Variants in ZBTB40 observed in about 807,000 individuals in gnomAD.
The protein encoded by ZBTB40 is zinc finger and BTB domain containing 40.
In ZBTB40, 60 loss-of-function variants were observed where a neutral mutation model predicts 117.5. That is an observed-to-expected ratio of 0.51 (90% confidence interval 0.41 to 0.63). ZBTB40 has a LOEUF of 0.63. Ranked by LOEUF, ZBTB40 falls within the 30% of genes least tolerant of loss-of-function variation. The pLI, the probability that ZBTB40 is intolerant of heterozygous loss-of-function variation, is 0.00. For missense variants in ZBTB40, 1,287 were observed against 1,498.5 expected (o/e 0.86, Z 2.33); for synonymous variants, 525 against 577.1 (o/e 0.91, Z 1.29).
chr1:22,520,438 T>G (rs1164799280), intron 14 of ZBTB40, among the ~76,000 whole-genome samples, 163 bp downstream of exon 14: 2 of 152,218 alleles, frequency 1.3e-5, no homozygotes, highest in East Asian at 1.9e-4. Context: ...CCAGATTCTC[T>G]AAGGAGATCT....
At chr1:22,503,976 A>G (rs886780983) in intron 5 of ZBTB40, among the ~76,000 whole-genome samples, 3 of 152,222 alleles carry the variant, frequency 2.0e-5, no homozygotes, top group Non-Finnish European at 4.4e-5. Flanking sequence ...AGCAAGATAG[A>G]CCACACTGTC....
chr1:22,504,120 A>G (rs1300412515), intron 5 of ZBTB40, among the ~76,000 whole-genome samples: 1 of 152,258 alleles, frequency 6.6e-6, no homozygotes, highest in African/African-American at 2.4e-5. Context: ...CCTTCTCATG[A>G]AAGTTGAAGC....
intron 1 of ZBTB40, among the ~76,000 whole-genome samples, chr1:22,478,334 G>C (rs982181606): frequency 6.6e-6 from 1 of 151,922 alleles, no homozygotes; most frequent in South Asian, 2.1e-4. Context: ...TGCAAGCTCC[G>C]CCTCCTGGGT....
At chr1:22,465,740 G>A (rs1440860224) in intron 1 of ZBTB40, among the ~76,000 whole-genome samples, 2 of 136,746 alleles carry the variant, frequency 1.5e-5, no homozygotes, top group East Asian at 9.7e-4. Context: ...AGGGATGCCT[G>A]AGTTGCAGCC....
Position 22,524,304 on chromosome 1 carries a change from A to G in ZBTB40, c.3385A>G (p.Lys1129Glu). 6.2e-7 allele frequency: 1 copy of G among 1,614,076 alleles called. No individual in the cohort carries two copies. Among genetic ancestry groups the G allele is most frequent in the Non-Finnish European group, 8.5e-7 (1 of 1,180,018 alleles). Residue 1129 changes from lysine (K) to glutamate (E), a missense_variant, in exon 17 of 18, where the codon AAG becomes GAG. Coordinates refer to ENST00000375647, the MANE Select transcript of ZBTB40 (RefSeq NM_014870.4). Reference sequence around the variant, plus strand: ...GCACCATGTCACCACGGAGCACTTCAAGCAGTCAGAGACCACCTTCCCCTG... The same window carrying G: ...GCACCATGTCACCACGGAGCACTTCGAGCAGTCAGAGACCACCTTCCCCTG... ...LQHHVTTEHF[K>E]QSETTFPCEL...
chr1:22,502,261 TA>T, intron 4 of ZBTB40, 37 bp from the exon 5 acceptor site: 1 of 1,601,738 alleles, frequency 6.2e-7, no homozygotes, highest in Non-Finnish European at 8.5e-7. Context: ...TCAAATTGAC[TA>T]GCTTCTCTTG....
At chr1:22,504,562 C>T (rs1639029964) in intron 5 of ZBTB40, among the ~76,000 whole-genome samples, 1 of 152,194 alleles carries the variant, frequency 6.6e-6, no homozygotes, top group African/African-American at 2.4e-5. Flanking sequence ...GACTTCTAAT[C>T]CAAGCACATT....
At chr1:22,525,869 A>G (rs900390012) in intron 17 of ZBTB40, among the ~76,000 whole-genome samples, 8 of 152,082 alleles carry the variant, frequency 5.3e-5, no homozygotes, top group African/African-American at 1.9e-4. Flanking sequence ...CTCACATGGC[A>G]CTCACCTCTG....
At chr1:22,491,358 A>G (rs752702111) in intron 2 of ZBTB40, 42 bp from the exon 3 acceptor site, 15 of 1,608,778 alleles carry the variant, frequency 9.3e-6, no homozygotes, top group Non-Finnish European at 1.2e-5. Context: ...ATTTATTTCA[A>G]GTAATGAATT....
intron 1 of ZBTB40, among the ~76,000 whole-genome samples, chr1:22,452,325 C>T (rs1040616011): frequency 1.3e-5 from 2 of 152,236 alleles, no homozygotes; most frequent in African/African-American, 2.4e-5. Context: ...CCTCTTGTCG[C>T]TGTCTCACTC....
At chr1:22,468,436 C>G (rs1300242154) in intron 1 of ZBTB40, among the ~76,000 whole-genome samples, 2 of 78,202 alleles carry the variant, frequency 2.6e-5, no homozygotes, top group South Asian at 8.2e-4. Flanking sequence ...CTATATTTTT[C>G]TTTTTAAAAT....
In ZBTB40 at chr1:22,520,154, A is replaced by G. The variant is rs1639482736; in HGVS notation, c.2927A>G (p.Glu976Gly). Residue 976 changes from glutamate (E) to glycine (G), a missense_variant, in exon 14 of 18, where the codon GAG (glutamate) becomes GGG (glycine). By Grantham distance (98) the Glu-to-Gly change is moderately conservative. Around this residue, in one of 2 missense-constraint regions of ZBTB40, gnomAD observed 417 missense variants for 564.1 expected, o/e 0.74. Transcript: ENST00000375647. ...RKHIHEVHSKEYHPCPTCGKI... is the reference protein window; with the variant it reads ...RKHIHEVHSKGYHPCPTCGKI... ...CACATCCATGAGGTGCACTCCAAAG[A>G]GTACCACCCCTGCCCCACGTGTGGG... 1 of 1,614,076 alleles carries G rather than the reference A, an allele frequency of 6.2e-7. No homozygotes were observed. The highest frequency in any genetic ancestry group is 8.5e-7 in the Non-Finnish European group (1 of 1,180,042).
intron 3 of ZBTB40, among the ~76,000 whole-genome samples, chr1:22,491,762 C>A (rs1638637599): frequency 6.6e-6 from 1 of 151,820 alleles, no homozygotes; most frequent in South Asian, 2.1e-4. Context: ...TAGCTTCTAA[C>A]CAGTTTTGAT....
intron 17 of ZBTB40, among the ~76,000 whole-genome samples, chr1:22,524,998 A>C (rs1003857895): frequency 7.9e-5 from 12 of 152,320 alleles, no homozygotes; most frequent in Non-Finnish European, 1.3e-4. Context: ...AAATAAATTC[A>C]GGTCCATCCA....
At chr1:22,463,420 G>C (rs188883206) in intron 1 of ZBTB40, among the ~76,000 whole-genome samples, 1 of 152,188 alleles carries the variant, frequency 6.6e-6, no homozygotes, top group Non-Finnish European at 1.5e-5. Context: ...TGAAAACTTA[G>C]TTATCGTCCG....
intron 1 of ZBTB40, among the ~76,000 whole-genome samples, chr1:22,487,181 T>C (rs1235645014): frequency 2.0e-5 from 3 of 152,228 alleles, no homozygotes; most frequent in African/African-American, 7.2e-5. Flanking sequence ...TGTTTGCTTT[T>C]AGGACGTGGT....
At chr1:22,465,783 G>A (rs560540648) in intron 1 of ZBTB40, among the ~76,000 whole-genome samples, 1 of 152,202 alleles carries the variant, frequency 6.6e-6, no homozygotes, top group African/African-American at 2.4e-5. Context: ...CCCCATGGGG[G>A]GCAGGGCTTC....
rs774454314 is a variant in ZBTB40, at chr1:22,490,136, C to G, written c.188C>G (p.Ala63Gly). ...LDNTDTISID[A>G]SVVSPEEFAL... ...AACACAGATACCATCTCCATCGATG[C>G]ATCTGTGGTGAGCCCCGAGGAGTTT... Residue 63 changes from alanine (A) to glycine (G), a missense_variant, in exon 2 of 18, where the codon GCA (alanine) becomes GGA (glycine). Physicochemically the swap from Ala to Gly is moderately conservative, Grantham distance 60. Transcript: ENST00000375647. 1 of 1,614,230 alleles carries G rather than the reference C, an allele frequency of 6.2e-7. No individual in the cohort carries two copies.
chr1:22,523,079 C>T (rs2124474718), intron 16 of ZBTB40, among the ~76,000 whole-genome samples: 1 of 151,418 alleles, frequency 6.6e-6, no homozygotes, highest in East Asian at 1.9e-4. Flanking sequence ...TCCCGAGTAG[C>T]TGGGACTACA....
Sources: gnomAD v4.1 joint callset for allele counts (sites outside exome capture counted in the v4.1 genomes callset) on GRCh38, gnomAD v4.1.1 for gene constraint, gnomAD v4.1.1 regional missense constraint, MANE v1.5 for transcripts, NCBI Gene and HGNC (gene_info 2026-07-23, HGNC 2026-07-21) for gene names.